The following MAGI2 variants were observed in gnomAD, a reference collection of about 807,000 sequenced individuals.
The protein encoded by MAGI2 is membrane-associated guanylate kinase, WW and PDZ domain-containing protein 2.
A neutral mutation model predicts 133.3 loss-of-function variants in MAGI2; 35 were observed. The ratio of observed to expected loss-of-function variants is 0.26; its 90% CI spans 0.20 to 0.35. The LOEUF (loss-of-function observed/expected upper bound fraction) is 0.35. Among genes scored for constraint, MAGI2 ranks in the 10% least tolerant of loss-of-function variants. The probability of loss-of-function intolerance (pLI) is 1.00; values close to 1 mark genes in which losing one functional copy is unlikely to be tolerated. For missense variants in MAGI2, 1,636 were observed against 1,863.4 expected (o/e 0.88, Z 2.25); for synonymous variants, 729 against 710.6 (o/e 1.03, Z -0.41).
intron 6 of MAGI2, among the ~76,000 whole-genome samples, chr7:78,455,254 T>C (rs1789186195): frequency 6.6e-6 from 1 of 152,174 alleles, no homozygotes; most frequent in African/African-American, 2.4e-5. Flanking sequence ...AGTCTATGAA[T>C]TAAACAAATT....
chr7:78,735,574 GACT>G (rs1333417401), intron 2 of MAGI2, among the ~76,000 whole-genome samples: 2 of 152,144 alleles, frequency 1.3e-5, no homozygotes, highest in African/African-American at 4.8e-5. Flanking sequence ...CAACAGAGAT[GACT>G]ACAATTTTGG....
At chr7:78,508,537 G>A (rs951322063) in intron 4 of MAGI2, among the ~76,000 whole-genome samples, 7 of 152,118 alleles carry the variant, frequency 4.6e-5, no homozygotes, top group Non-Finnish European at 7.4e-5. Flanking sequence ...GTTAAGAACC[G>A]AGCAAACTTC....
At chr7:78,803,241 T>A (rs1788227716) in intron 2 of MAGI2, among the ~76,000 whole-genome samples, 1 of 151,786 alleles carries the variant, frequency 6.6e-6, no homozygotes, top group Non-Finnish European at 1.5e-5. Context: ...CTACATAAAG[T>A]GTTAACTGCT....
intron 1 of MAGI2, among the ~76,000 whole-genome samples, chr7:79,261,448 A>ATCC (rs2129556443): frequency 6.6e-6 from 1 of 152,318 alleles, no homozygotes; most frequent in South Asian, 2.1e-4. Flanking sequence ...CACATAGTTC[A>ATCC]AGCCTAAGGT....
intron 6 of MAGI2, among the ~76,000 whole-genome samples, chr7:78,473,344 G>A (rs547176075): frequency 2.6e-5 from 4 of 152,070 alleles, no homozygotes; most frequent in East Asian, 1.9e-4. Context: ...TTTTTTGATG[G>A]CACACAAGTG....
At chr7:79,159,000 A>T (rs1278586300) in intron 1 of MAGI2, among the ~76,000 whole-genome samples, 1 of 152,032 alleles carries the variant, frequency 6.6e-6, no homozygotes. Flanking sequence ...ATACAAGGTT[A>T]TACAGGTTAT....
At chr7:78,866,726 C>A (rs1794588386) in intron 2 of MAGI2, among the ~76,000 whole-genome samples, 1 of 151,980 alleles carries the variant, frequency 6.6e-6, no homozygotes, top group African/African-American at 2.4e-5. Flanking sequence ...TTTACAGGAA[C>A]CAGATCTCCT....
At chr7:78,579,562 T>A (rs1802627501) in intron 3 of MAGI2, among the ~76,000 whole-genome samples, 1 of 152,190 alleles carries the variant, frequency 6.6e-6, no homozygotes, top group Non-Finnish European at 1.5e-5. Context: ...ACCAGAGGAA[T>A]CTGCGTTAAC....
intron 2 of MAGI2, among the ~76,000 whole-genome samples, chr7:78,767,623 T>A (rs1445798512): frequency 6.6e-6 from 1 of 152,190 alleles, no homozygotes. Context: ...AAAATGGATG[T>A]CAGAAAGCAG....
At chr7:78,683,072 T>C (rs559110322) in intron 2 of MAGI2, among the ~76,000 whole-genome samples, 51 of 152,286 alleles carry the variant, frequency 3.3e-4, no homozygotes, top group African/African-American at 1.1e-3. Context: ...CAGGCACTAC[T>C]GACAAATTCG....
intron 1 of MAGI2, among the ~76,000 whole-genome samples, chr7:79,060,324 T>G (rs1044705090): frequency 1.3e-5 from 2 of 152,058 alleles, no homozygotes; most frequent in Middle Eastern, 3.2e-3. Flanking sequence ...GCCCCAATTT[T>G]ATGCAATTAT....
intron 20 of MAGI2, among the ~76,000 whole-genome samples, chr7:78,094,433 C>T (rs1438734375): frequency 6.6e-6 from 1 of 152,102 alleles, no homozygotes; most frequent in Non-Finnish European, 1.5e-5. Flanking sequence ...GAGGCTGGCC[C>T]CTCCTGCATT....
intron 21 of MAGI2, among the ~76,000 whole-genome samples, chr7:78,027,167 G>A (rs1434981401): frequency 6.6e-6 from 1 of 152,194 alleles, no homozygotes; most frequent in Non-Finnish European, 1.5e-5. Context: ...ATTGAGAAAT[G>A]AGGGCTCATG....
chr7:78,107,285 C>A (rs1188872130), intron 20 of MAGI2, among the ~76,000 whole-genome samples: 1 of 151,816 alleles, frequency 6.6e-6, no homozygotes, highest in Non-Finnish European at 1.5e-5. Context: ...ATAATGTGAC[C>A]CCTGTAGTTT....
rs1832224318 is a variant in MAGI2, at chr7:79,239,610, T to A, written c.301+213410A>T. On this transcript the variant is annotated intron_variant, in intron 1 of 21. Transcript: ENST00000354212. ...CTGAGAAAGAAAAAATTCCACCCCCTGACATCTAGAAATGGACTTGGCACT... is the reference window on the plus strand; with the variant it reads ...CTGAGAAAGAAAAAATTCCACCCCCAGACATCTAGAAATGGACTTGGCACT... 2.0e-5 allele frequency among the ~76,000 whole-genome samples: 3 copies of A among 152,288 alleles called. No homozygotes were observed. In the South Asian group the frequency reaches 6.2e-4, roughly 32 times the overall value.
At chr7:79,370,185 T>C (rs67768889) in intron 1 of MAGI2, among the ~76,000 whole-genome samples, 22,088 of 152,114 alleles carry the variant, frequency 0.15, 1,713 homozygotes, top group South Asian at 0.25. Context: ...CACTTTATTG[T>C]ACATATGTCC....
chr7:78,603,594 C>T (rs1210800106), intron 3 of MAGI2, among the ~76,000 whole-genome samples: 7 of 152,188 alleles, frequency 4.6e-5, no homozygotes, highest in Non-Finnish European at 8.8e-5. Flanking sequence ...GCGATGTCAG[C>T]TCACTGCAAC....
chr7:78,520,022 A>C (rs2150581121), intron 4 of MAGI2, among the ~76,000 whole-genome samples: 1 of 152,338 alleles, frequency 6.6e-6, no homozygotes, highest in South Asian at 2.1e-4. Flanking sequence ...AAAAAGAGGA[A>C]GGTATCTAAT....
intron 2 of MAGI2, among the ~76,000 whole-genome samples, chr7:78,869,941 A>C (rs527562102): frequency 6.6e-6 from 1 of 152,218 alleles, no homozygotes; most frequent in South Asian, 2.1e-4. Flanking sequence ...ATTCTGCTTC[A>C]TTGGTCTTTG....
Sources: gnomAD v4.1 joint callset for allele counts (sites outside exome capture counted in the v4.1 genomes callset) on GRCh38, gnomAD v4.1.1 for gene constraint, MANE v1.5 for transcripts, NCBI Gene and HGNC (gene_info 2026-07-23, HGNC 2026-07-21) for gene names.